The following ING5 variants were observed in gnomAD, a reference collection of about 807,000 sequenced individuals.
The protein encoded by ING5 is inhibitor of growth protein 5.
In ING5, 17 loss-of-function variants were observed where a neutral mutation model predicts 37.4. The ratio of observed to expected loss-of-function variants is 0.45; its 90% confidence interval spans 0.31 to 0.68. ING5 has a LOEUF of 0.68. Ranked by LOEUF, ING5 falls within the 30% of genes least tolerant of loss-of-function variation. The pLI is 0.05. For synonymous variants in ING5, 123 were observed against 116.6 expected, an observed-to-expected ratio of 1.06 and a Z score of -0.36; for missense variants, 233 against 311.9, an observed-to-expected ratio of 0.75 and a Z score of 1.91.
intron 5 of ING5, chr2:241,722,092 T>C (rs1222990759): frequency 3.0e-6 from 3 of 985,128 alleles, no homozygotes; most frequent in Non-Finnish European, 2.4e-6. Flanking sequence ...CAGAGGTGCC[T>C]GAGTAGGTGC....
At chr2:241,711,624 G>T (rs975052828) in intron 4 of ING5, 136 bp downstream of exon 4, 4 of 696,080 alleles carry the variant, frequency 5.7e-6, no homozygotes, top group Non-Finnish European at 9.4e-6. Context: ...TTGCAGGCTG[G>T]GTGTGGTGGC....
intron 1 of ING5, among the ~76,000 whole-genome samples, chr2:241,702,445 C>T (rs1175358491): frequency 6.6e-6 from 1 of 151,982 alleles, no homozygotes; most frequent in Non-Finnish European, 1.5e-5. Context: ...CCCCCAGCTC[C>T]GGCCCCGGCC....
rs540622843 is a variant in ING5 at position 241,725,149 on chromosome 2, A to G, written c.*118A>G. 3.7e-6 allele frequency: 4 copies of G among 1,072,358 alleles called. No homozygotes were observed. The South Asian group carries it at 4.0e-5, about 11-fold the overall frequency. The allele number at this position is 1,072,358 out of a possible 1,614,324, so 66.4% of individuals were successfully genotyped here. ...GTTGATACTTAGTAACTCCGTGGCC[A>G]GTTGAAGCGCTGGATGTTTCCTAGA... is the stretch of plus-strand genomic sequence containing the variant. On this transcript the variant is annotated 3_prime_UTR_variant, in exon 8 of 8. Coordinates refer to ENST00000313552, the MANE Select transcript of ING5 (RefSeq NM_032329.6).
Position 241,719,723 on chromosome 2 carries a change from G to C in ING5, c.483-3216G>C. On this transcript the variant is annotated intron_variant, in intron 5 of 7. Coordinates refer to ENST00000313552, the MANE Select transcript of ING5 (RefSeq NM_032329.6). The stretch of plus-strand genomic sequence containing the variant: ...TCCCTGAGGGCTCTGCCCAGCTTCA[G>C]AGACCTCAGGAACAGCCAGCACCTC... The C allele has an allele frequency of 2.7e-6, 4 of 1,479,602 alleles. No homozygotes were observed. The South Asian group carries it at 5.4e-5, about 20-fold the overall frequency. The allele number at this position is 1,479,602 out of a possible 1,614,324, so 91.7% of individuals were successfully genotyped here. A position where few individuals can be genotyped will look rare whatever the true frequency, so the allele number is the denominator to read the frequency against.
At position 241,706,625 on chromosome 2, in the gene ING5, C is replaced by CAA. The variant is rs770869002; in HGVS notation, c.109+1918_109+1919dup. ...GGGCAACAAGAGCGAAACTCCATCTCAAAAAAAAAAAAAAAAAAGAAAAAA... is the reference window on the plus strand; with the variant it reads ...GGGCAACAAGAGCGAAACTCCATCTCAAAAAAAAAAAAAAAAAAAAGAAAAAA... On this transcript the variant is annotated intron_variant, in intron 2 of 7. Coordinates refer to ENST00000313552, the MANE Select transcript of ING5 (RefSeq NM_032329.6). 4.2e-3 allele frequency among the ~76,000 whole-genome samples: 457 copies of CAA among 109,134 alleles called. 2 individuals are homozygous for CAA. Among genetic ancestry groups the CAA allele is most frequent in the Middle Eastern group, 0.02 (4 of 204 alleles). The allele number at this position is 109,134 out of a possible 152,430, so 71.6% of individuals were successfully genotyped here.
At chr2:241,705,173 C>T (rs2069864896) in intron 2 of ING5, among the ~76,000 whole-genome samples, 1 of 152,002 alleles carries the variant, frequency 6.6e-6, no homozygotes, top group Non-Finnish European at 1.5e-5. Context: ...CTCCTGGGTT[C>T]ACACCATTCT....
chr2:241,712,035 A>G lies in ING5; in HGVS notation c.446A>G (p.Glu149Gly), dbSNP rs757315421. The change falls in exon 5 of 8, where the codon GAG (glutamate) becomes GGG (glycine). Residue 149 changes from glutamate to glycine, a missense_variant. By Grantham distance (98) the Glu-to-Gly change is moderately conservative. Around this residue, in one of 4 missense-constraint regions of ING5, gnomAD observed 76 missense variants for 68.2 expected, o/e 1.11. Coordinates refer to ENST00000313552, the MANE Select transcript of ING5 (RefSeq NM_032329.6). ...GSRGRGRRTS[E>G]EDTPKKKKHK... ...CGGGGCCGAGGCAGGAGGACATCAG[A>G]GGAAGACACACCAAAGAAAAAGAAG... The G allele has an allele frequency of 3.1e-6, 5 of 1,612,646 alleles. No individual in the cohort carries two copies. Among genetic ancestry groups the G allele is most frequent in the Non-Finnish European group, 4.2e-6 (5 of 1,179,416 alleles).
intron 3 of ING5, among the ~76,000 whole-genome samples, chr2:241,710,620 G>A (rs1354277056): frequency 3.3e-5 from 5 of 152,218 alleles, no homozygotes. Flanking sequence ...GAGTAGCTGG[G>A]ATTACAGGCA....
intron 2 of ING5, among the ~76,000 whole-genome samples, chr2:241,705,394 C>CTTTTTTTTTTTTTTTTTTT (rs774566608): frequency 3.4e-5 from 4 of 117,288 alleles, no homozygotes; most frequent in Non-Finnish European, 6.9e-5. Flanking sequence ...CTGTTTTTTT[C>CTTTTTTTTTTTTTTTTTTT]TTTTTTTTTT....
chr2:241,711,433 G>C lies in ING5; in HGVS notation c.333G>C (p.Leu111=). The change falls in exon 4 of 8, where the codon CTG becomes CTC. Residue 111 remains leucine, a synonymous_variant. Transcript: ENST00000313552. ...DADLARFEAD[L]KDKMEGSDFE... ...ACCTGGCGCGCTTTGAAGCAGATCTGAAGGACAAGATGGAGGGCAGTGATT... is the reference window on the plus strand; with the variant it reads ...ACCTGGCGCGCTTTGAAGCAGATCTCAAGGACAAGATGGAGGGCAGTGATT... 6.2e-7 allele frequency: 1 copy of C among 1,602,430 alleles called. No homozygotes were observed. The highest frequency in any genetic ancestry group is 8.5e-7 in the Non-Finnish European group (1 of 1,175,508).
At chr2:241,712,810 G>C (rs531780483) in intron 5 of ING5, among the ~76,000 whole-genome samples, 1 of 152,144 alleles carries the variant, frequency 6.6e-6, no homozygotes, top group Admixed American at 6.5e-5. Flanking sequence ...AGGATCACTT[G>C]AGCCCAGGAA....
chr2:241,687,048 C>T (rs2069443279), upstream of ING5: 3 of 427,410 alleles, frequency 7.0e-6, no homozygotes, highest in African/African-American at 4.1e-5. Flanking sequence ...CGTCCTCGGG[C>T]GAGCAGGGCC....
chr2:241,715,053 C>T (rs889248544), intron 5 of ING5, among the ~76,000 whole-genome samples: 3 of 152,086 alleles, frequency 2.0e-5, no homozygotes, highest in Non-Finnish European at 1.5e-5. Flanking sequence ...GTGGAAGTAG[C>T]TTGCATAATT....
At chr2:241,722,160 G>A in intron 5 of ING5, 5 of 985,434 alleles carry the variant, frequency 5.1e-6, no homozygotes, top group South Asian at 4.7e-5. Context: ...TCACAGTTAC[G>A]GGAGAGCTGT....
At chr2:241,724,503 T>G in intron 7 of ING5, 1 of 172,606 alleles carries the variant, frequency 5.8e-6, no homozygotes, top group Non-Finnish European at 1.2e-5. Flanking sequence ...CTGCCTCTGT[T>G]CAGGAGCCCC....
intron 1 of ING5, among the ~76,000 whole-genome samples, chr2:241,689,567 C>G (rs1575112739): frequency 1.3e-5 from 2 of 152,294 alleles, no homozygotes; most frequent in Admixed American, 1.3e-4. Context: ...AGCATGTGCA[C>G]AGTGAGGGCT....
Position 241,727,132 on chromosome 2 carries a change from TC to T in ING5, c.*2102del, listed in dbSNP as rs1691651040. On this transcript the variant is annotated 3_prime_UTR_variant, in exon 8 of 8. Coordinates refer to ENST00000313552, the MANE Select transcript of ING5 (RefSeq NM_032329.6). ...TTGTATTTTTGTTGGAGACGGGGTT[TC>T]ACCATATTGGCCAGACTGGTCTCAA... is the stretch of plus-strand genomic sequence containing the variant. 2 of 152,028 alleles carry T rather than the reference TC, an allele frequency of 1.3e-5. No homozygotes were observed. The highest frequency in any genetic ancestry group is 4.1e-4 in the South Asian group (2 of 4,828). The allele number at this position is 152,028 out of a possible 1,614,324, so 9.4% of individuals were successfully genotyped here.
upstream of ING5, chr2:241,701,999 C>T: frequency 8.3e-7 from 1 of 1,210,092 alleles, no homozygotes; most frequent in South Asian, 2.1e-5. Context: ...CGCGCTGGCA[C>T]CGCCCCGCCC....
At position 241,728,206 on chromosome 2, in the gene ING5, C is replaced by T. The variant is rs1691696590; in HGVS notation, c.*3175C>T. The T allele has an allele frequency of 6.6e-6, 1 of 152,474 alleles. No homozygotes were observed. The allele number at this position is 152,474 out of a possible 1,614,324, so 9.4% of individuals were successfully genotyped here. A position where few individuals can be genotyped will look rare whatever the true frequency, so the allele number is the denominator to read the frequency against. On this transcript the variant is annotated 3_prime_UTR_variant, in exon 8 of 8. Transcript: ENST00000313552. ...TGGCCAGAAAAGAAGGTCATGGCCC[C>T]TGGCCTGGCCCCCGCCCTGCAGGGA...
Sources: gnomAD v4.1 joint callset for allele counts (sites outside exome capture counted in the v4.1 genomes callset) on GRCh38, gnomAD v4.1.1 for gene constraint, gnomAD v4.1.1 regional missense constraint, MANE v1.5 for transcripts, NCBI Gene and HGNC (gene_info 2026-07-23, HGNC 2026-07-21) for gene names.